Variants in SORCS1 observed in about 807,000 individuals in gnomAD.
SORCS1 encodes VPS10 domain-containing receptor SorCS1.
In SORCS1, 60 loss-of-function variants were observed where a neutral mutation model predicts 146.1. That is an observed-to-expected ratio of 0.41 (90% CI 0.33 to 0.51). The LOEUF is 0.51. SORCS1 is among the 20% of genes least tolerant of loss of function. The pLI is 0.21. For missense variants in SORCS1, 1,352 were observed against 1,487.6 expected (o/e 0.91, Z 1.50); for synonymous variants, 637 against 584.0 (o/e 1.09, Z -1.31).
At chr10:106,734,118 G>A (rs1856792248) in intron 5 of SORCS1, among the ~76,000 whole-genome samples, 8 of 151,998 alleles carry the variant, frequency 5.3e-5, no homozygotes, top group Admixed American at 5.2e-4. Context: ...ATTTTGTCTA[G>A]GATATTTTAA....
chr10:106,635,405 A>T (rs1357158377), intron 18 of SORCS1, among the ~76,000 whole-genome samples: 2 of 152,148 alleles, frequency 1.3e-5, no homozygotes, highest in African/African-American at 4.8e-5. Context: ...CATTTTTAAT[A>T]AAAAAATAAG....
intron 17 of SORCS1, among the ~76,000 whole-genome samples, chr10:106,665,369 C>G (rs1851046565): frequency 6.6e-6 from 1 of 151,110 alleles, no homozygotes. Flanking sequence ...TTCTTCCTTC[C>G]CTTTTTTTTT....
intron 1 of SORCS1, among the ~76,000 whole-genome samples, chr10:107,014,060 C>T (rs1215896382): frequency 6.6e-6 from 1 of 152,022 alleles, no homozygotes; most frequent in Middle Eastern, 3.2e-3. Context: ...CGAGATCATC[C>T]TGGCCAACAT....
intron 23 of SORCS1, chr10:106,600,359 G>A: frequency 1.0e-6 from 1 of 975,300 alleles, no homozygotes; most frequent in Non-Finnish European, 1.2e-6. Flanking sequence ...TATTTAACTT[G>A]CATCAAAGGA....
intron 19 of SORCS1, 115 bp from the exon 20 acceptor site, chr10:106,620,676 T>G: frequency 7.7e-7 from 1 of 1,306,314 alleles, no homozygotes; most frequent in Non-Finnish European, 1.0e-6. Context: ...CTGGCTGCCA[T>G]ATTCCCCAAA....
Position 107,164,690 on chromosome 10 carries a change from G to T in SORCS1, c.-164C>A, listed in dbSNP as rs928629690. 2.0e-5 allele frequency among the ~76,000 whole-genome samples: 3 copies of T among 150,420 alleles called. No homozygotes were observed. The highest frequency in any genetic ancestry group is 7.3e-5 in the African/African-American group (3 of 41,090). On this transcript the variant is annotated 5_prime_UTR_variant, in exon 1 of 26. Coordinates refer to ENST00000263054, the MANE Select transcript of SORCS1 (RefSeq NM_052918.5). This position sits in a 1 kb window ranked among gnomAD's most constrained non-coding sequence, Gnocchi z 6.8. ...GGCGCCGGGCAGGTGGCGGCCGCTT[G>T]CCCGGGCTGGGCTTGTGCCGAGCGC... is the stretch of plus-strand genomic sequence containing the variant.
chr10:106,816,494 C>T (rs1450007978), intron 3 of SORCS1, among the ~76,000 whole-genome samples: 1 of 152,186 alleles, frequency 6.6e-6, no homozygotes, highest in African/African-American at 2.4e-5. Context: ...CCAGCTATGC[C>T]TAGGGCAGAA....
At chr10:106,580,323 C>G (rs1844829183) in intron 24 of SORCS1, among the ~76,000 whole-genome samples, 1 of 152,160 alleles carries the variant, frequency 6.6e-6, no homozygotes, top group African/African-American at 2.4e-5. Context: ...TTCTCTCAGA[C>G]AAAACAGAAG....
chr10:106,648,201 TC>T (rs957513269), intron 18 of SORCS1, among the ~76,000 whole-genome samples: 1 of 139,796 alleles, frequency 7.2e-6, no homozygotes, highest in African/African-American at 2.9e-5. Flanking sequence ...TGTATTATAT[TC>T]TTTTTTTTCT....
chr10:107,081,289 C>A (rs185542437), intron 1 of SORCS1, among the ~76,000 whole-genome samples: 2 of 152,168 alleles, frequency 1.3e-5, no homozygotes, highest in Non-Finnish European at 2.9e-5. Context: ...CACAGGCTAA[C>A]CCCAAATAAA....
intron 1 of SORCS1, among the ~76,000 whole-genome samples, chr10:107,029,024 T>C (rs552954457): frequency 3.9e-5 from 6 of 152,304 alleles, no homozygotes; most frequent in Non-Finnish European, 7.4e-5. Flanking sequence ...ATTAAGTCAG[T>C]CCAGTTAAAA....
At chr10:106,593,380 G>A (rs936746144) in intron 24 of SORCS1, among the ~76,000 whole-genome samples, 6 of 152,090 alleles carry the variant, frequency 3.9e-5, no homozygotes, top group South Asian at 2.1e-4. Flanking sequence ...CACAATTGCT[G>A]TTCCCGTTGA....
chr10:107,025,220 C>G (rs1295871474), intron 1 of SORCS1, among the ~76,000 whole-genome samples: 1 of 152,136 alleles, frequency 6.6e-6, no homozygotes, highest in Non-Finnish European at 1.5e-5. Context: ...AATGGTTAGT[C>G]TATAAAGAAA....
At chr10:107,026,579 C>A (rs1958414425) in intron 1 of SORCS1, among the ~76,000 whole-genome samples, 1 of 151,386 alleles carries the variant, frequency 6.6e-6, no homozygotes, top group East Asian at 1.9e-4. Context: ...GATTGCGCCA[C>A]CACACTCCAG....
intron 1 of SORCS1, among the ~76,000 whole-genome samples, chr10:107,159,447 A>T (rs1046206587): frequency 6.6e-6 from 1 of 152,220 alleles, no homozygotes; most frequent in Non-Finnish European, 1.5e-5. Flanking sequence ...GTATACAGCC[A>T]GTATTATAAC....
intron 4 of SORCS1, among the ~76,000 whole-genome samples, chr10:106,770,838 C>T (rs564134102): frequency 6.6e-5 from 10 of 152,346 alleles, no homozygotes; most frequent in African/African-American, 2.4e-4. Flanking sequence ...ACAGCCTGGA[C>T]CCAGCCTGTT....
At chr10:106,792,861 T>C (rs1438180588) in intron 3 of SORCS1, among the ~76,000 whole-genome samples, 1 of 152,170 alleles carries the variant, frequency 6.6e-6, no homozygotes, top group African/African-American at 2.4e-5. Context: ...TTAGAATCCT[T>C]TTTTAGGCCT....
chr10:106,606,899 C>T (rs113829537), intron 23 of SORCS1, among the ~76,000 whole-genome samples: 415 of 152,300 alleles, frequency 2.7e-3, no homozygotes, highest in African/African-American at 9.1e-3. Context: ...CTTCCCCTTC[C>T]GCCATGATTG....
At chr10:107,075,003 G>A (rs912374004) in intron 1 of SORCS1, among the ~76,000 whole-genome samples, 5 of 151,926 alleles carry the variant, frequency 3.3e-5, no homozygotes, top group Admixed American at 6.6e-5. Flanking sequence ...GATATTCAAG[G>A]CACATCTATC....
Sources: allele counts gnomAD v4.1 joint callset (sites outside exome capture counted in the v4.1 genomes callset), GRCh38; gene constraint gnomAD v4.1.1; non-coding constraint Gnocchi (gnomAD v3.1); transcripts MANE v1.5; gene names NCBI Gene and HGNC (gene_info 2026-07-23, HGNC 2026-07-21).